The following ADSS2 variants were observed in gnomAD, a reference collection of about 807,000 sequenced individuals.
ADSS2 encodes the protein adenylosuccinate synthetase isozyme 2.
ADSS2 carries 30 observed loss-of-function variants against 60.0 expected under a neutral mutation model. That is an observed-to-expected ratio of 0.50 (90% CI 0.37 to 0.68). The LOEUF is 0.68. ADSS2 is among the 30% of genes least tolerant of loss of function. ADSS2 has a pLI of 0.00. For synonymous variants in ADSS2, 187 were observed against 193.1 expected (o/e 0.97, Z 0.26); for missense variants, 373 against 554.8 (o/e 0.67, Z 3.29).
At chr1:244,442,242 T>TACACACACACAC (rs71739056) in intron 1 of ADSS2, among the ~76,000 whole-genome samples, 1 of 149,058 alleles carries the variant, frequency 6.7e-6, no homozygotes, top group Non-Finnish European at 1.5e-5. Context: ...ATGGTTGCTC[T>TACACACACACAC]ACACACACAC....
intron 1 of ADSS2, among the ~76,000 whole-genome samples, chr1:244,440,438 AAC>A (rs1572145766): frequency 1.3e-5 from 2 of 152,212 alleles, no homozygotes; most frequent in African/African-American, 4.8e-5. Context: ...TATTTTAAAA[AAC>A]AACTTGGCAG....
rs1024298553 is a variant in ADSS2 at position 244,437,703 on chromosome 1, G to A, written c.249C>T (p.Pro83=). The change falls in exon 2 of 13, where the codon CCC becomes CCT. Residue 83 remains proline (P), a synonymous_variant. Coordinates refer to ENST00000366535, the MANE Select transcript of ADSS2 (RefSeq NM_001126.5). ...TGACATTTGGATTAATTATTCCACT[G>A]GGTAAGAGATGAAAATCATATTCCA... The part of the protein sequence containing the change: ...DSVEYDFHLL[P]SGIINPNVTA... The A allele has an allele frequency of 8.1e-6, 13 of 1,604,798 alleles. No individual in the cohort carries two copies. The highest frequency in any genetic ancestry group is 5.4e-5 in the African/African-American group (4 of 74,724).
At chr1:244,437,804 A>G in intron 1 of ADSS2, 36 bp from the exon 2 acceptor site, 1 of 1,429,066 alleles carries the variant, frequency 7.0e-7, no homozygotes, top group Non-Finnish European at 9.9e-7. Context: ...GAGCCTGATG[A>G]TAAATACTAC....
chr1:244,436,914 C>T (rs1017065152), intron 2 of ADSS2, 21 bp from the exon 3 acceptor site: 76 of 1,599,540 alleles, frequency 4.8e-5, no homozygotes, highest in Non-Finnish European at 6.2e-5. Context: ...ACCAACAAAT[C>T]CCAACGGTAA....
At chr1:244,426,360 C>T (rs7525611) in intron 4 of ADSS2, among the ~76,000 whole-genome samples, 26 of 152,048 alleles carry the variant, frequency 1.7e-4, no homozygotes, top group African/African-American at 6.3e-4. Context: ...AATTTAGTAC[C>T]TTGTCATAGA....
At chr1:244,445,661 AG>A (rs991331235) in intron 1 of ADSS2, among the ~76,000 whole-genome samples, 1 of 151,352 alleles carries the variant, frequency 6.6e-6, no homozygotes, top group Non-Finnish European at 1.5e-5. Flanking sequence ...AAAAAAAAAA[AG>A]TTTGGAAAGG....
At chr1:244,429,789 C>T (rs985557345) in intron 4 of ADSS2, among the ~76,000 whole-genome samples, 3 of 151,706 alleles carry the variant, frequency 2.0e-5, no homozygotes, top group Non-Finnish European at 2.9e-5. Flanking sequence ...GGCTGAGGCA[C>T]GAGAATCGCT....
intron 1 of ADSS2, among the ~76,000 whole-genome samples, chr1:244,444,514 C>CAATAAAAAAAAAAAA: frequency 2.4e-5 from 1 of 42,552 alleles, no homozygotes; most frequent in African/African-American, 8.6e-5. Context: ...GACTCCATCT[C>CAATAAAAAAAAAAAA]AAAAAAAAAA....
intron 9 of ADSS2, among the ~76,000 whole-genome samples, chr1:244,418,156 G>A (rs1047480141): frequency 1.3e-5 from 2 of 152,124 alleles, no homozygotes; most frequent in African/African-American, 4.8e-5. Context: ...AGAAAACTAA[G>A]ATCGAAAACA....
chr1:244,446,856 T>C (rs757371944), intron 1 of ADSS2, among the ~76,000 whole-genome samples: 10 of 152,174 alleles, frequency 6.6e-5, no homozygotes, highest in African/African-American at 2.4e-4. Flanking sequence ...TAAAAACACA[T>C]TGAAATTAAA....
At chr1:244,450,440 G>T (rs987275683) in intron 1 of ADSS2, among the ~76,000 whole-genome samples, 1 of 152,194 alleles carries the variant, frequency 6.6e-6, no homozygotes. Context: ...GTAAATCAGA[G>T]AATATTTGCA....
At chr1:244,442,941 A>G (rs1051114228) in intron 1 of ADSS2, among the ~76,000 whole-genome samples, 10 of 152,166 alleles carry the variant, frequency 6.6e-5, no homozygotes, top group African/African-American at 2.4e-4. Flanking sequence ...AAATATGAGC[A>G]CCATAACCAA....
intron 4 of ADSS2, 34 bp downstream of exon 4, chr1:244,432,511 A>G (rs372385825): frequency 2.1e-6 from 3 of 1,406,864 alleles, no homozygotes; most frequent in Non-Finnish European, 2.9e-6. Context: ...AGATAAAAAG[A>G]TAGTTACAAA....
chr1:244,410,566 T>C (rs1047953388), intron 12 of ADSS2, among the ~76,000 whole-genome samples: 1 of 152,192 alleles, frequency 6.6e-6, no homozygotes, highest in East Asian at 1.9e-4. Context: ...TCCCAGTGTA[T>C]ATTCAGGAAA....
At chr1:244,421,131 G>C (rs538496527) in intron 7 of ADSS2, among the ~76,000 whole-genome samples, 2 of 152,204 alleles carry the variant, frequency 1.3e-5, no homozygotes, top group Admixed American at 1.3e-4. Context: ...TCCTATTACT[G>C]TAACATGTCT....
rs566420653 is a variant in ADSS2 at position 244,434,946 on chromosome 1, A to C, written c.355+1879T>G. The stretch of plus-strand genomic sequence containing the variant: ...CACCTTGGGAGGCCGAGGCAGGTGG[A>C]TCACGAAGTCAGGAGTTTGAGACCA... On this transcript the variant is annotated intron_variant, in intron 3 of 12. Transcript: ENST00000366535. Among the ~76,000 whole-genome samples the C allele has an allele frequency of 2.0e-5, 3 of 152,140 alleles. No individual in the cohort carries two copies. The East Asian group carries it at 5.8e-4, about 29-fold the overall frequency.
intron 4 of ADSS2, among the ~76,000 whole-genome samples, chr1:244,428,939 AAAG>A (rs1166363477): frequency 3.3e-5 from 5 of 152,212 alleles, no homozygotes; most frequent in Non-Finnish European, 2.9e-5. Context: ...TAAAACATTT[AAAG>A]AAGAAATATT....
chr1:244,451,537 C>A lies in ADSS2; in HGVS notation c.183+98G>T. 7.6e-7 allele frequency: 1 copy of A among 1,323,082 alleles called. No individual in the cohort carries two copies. Among genetic ancestry groups the A allele is most frequent in the Non-Finnish European group, 1.0e-6 (1 of 981,700 alleles). 82.0% of individuals were successfully genotyped at this position (1,323,082 alleles called of 1,614,324 possible). On this transcript the variant is annotated intron_variant, in intron 1 of 12. Transcript: ENST00000366535. The surrounding 1 kb of genome is among the most constrained non-coding windows in gnomAD (Gnocchi z 6.6). The stretch of plus-strand genomic sequence containing the variant: ...CCTCAAGGTGACACCTCATTTTGGC[C>A]AGTGGATCCGGGTTCTGGGTCCGAG...
At chr1:244,439,526 T>C (rs2148010529) in intron 1 of ADSS2, among the ~76,000 whole-genome samples, 1 of 152,246 alleles carries the variant, frequency 6.6e-6, no homozygotes, top group South Asian at 2.1e-4. Context: ...GGATCCAAAC[T>C]GCAAGACCAA....
Sources: gnomAD v4.1 joint callset for allele counts (sites outside exome capture counted in the v4.1 genomes callset) on GRCh38, gnomAD v4.1.1 for gene constraint, Gnocchi (gnomAD v3.1) non-coding constraint, MANE v1.5 for transcripts, NCBI Gene and HGNC (gene_info 2026-07-23, HGNC 2026-07-21) for gene names.